Variants in SLC46A3 observed in about 807,000 individuals in gnomAD.
The protein encoded by SLC46A3 is lysosomal proton-coupled steroid conjugate and bile acid symporter SLC46A3.
In SLC46A3, 26 loss-of-function variants were observed where a neutral mutation model predicts 38.5. The ratio of observed to expected loss-of-function variants is 0.68; its 90% CI spans 0.49 to 0.94. SLC46A3 has a LOEUF of 0.94. Among genes scored for constraint, SLC46A3 ranks in the 40% least tolerant of loss-of-function variants. SLC46A3 has a pLI of 0.00. For synonymous variants in SLC46A3, 185 were observed against 192.5 expected (o/e 0.96, Z 0.32); for missense variants, 510 against 544.3 (o/e 0.94, Z 0.63).
At chr13:28,711,743 C>T (rs1885350265) in intron 3 of SLC46A3, among the ~76,000 whole-genome samples, 1 of 152,176 alleles carries the variant, frequency 6.6e-6, no homozygotes, top group South Asian at 2.1e-4. Flanking sequence ...GACCACTTTA[C>T]AATTCTCAAA....
chr13:28,707,676 C>T (rs939553325), intron 4 of SLC46A3, among the ~76,000 whole-genome samples: 1 of 152,070 alleles, frequency 6.6e-6, no homozygotes, highest in Admixed American at 6.5e-5. Context: ...TTCCCAATAG[C>T]TTTATTGGGA....
rs377735203 is a variant in SLC46A3 at position 28,701,461 on chromosome 13, G to A, written c.*36C>T. On this transcript the variant is annotated 3_prime_UTR_variant, in exon 6 of 6. Transcript: ENST00000266943. ...TCAGAAGTCATGGTATATGATATGT[G>A]CATTCATAGATTTTTTTTGTTTGTT... The A allele has an allele frequency of 1.4e-5, 23 of 1,606,388 alleles. No individual in the cohort carries two copies. Among genetic ancestry groups the A allele is most frequent in the Non-Finnish European group, 2.0e-5 (23 of 1,177,486 alleles).
chr13:28,701,512 ATCTTCACTGGAT>A lies in SLC46A3; in HGVS notation c.1359_1370del (p.Glu453_Glu456del), dbSNP rs1273758015. 5 of 1,613,226 alleles carry A rather than the reference ATCTTCACTGGAT, an allele frequency of 3.1e-6. No homozygotes were observed. The African/African-American group carries it at 6.7e-5, about 22-fold the overall frequency. On this transcript the variant is annotated inframe_deletion, in exon 6 of 6. Coordinates refer to ENST00000266943, the MANE Select transcript of SLC46A3 (RefSeq NM_181785.4). ...TAAATCACAGTCACCTGTCTGAAGC[ATCTTCACTGGAT>A]TCTTCTTGTATAAGAAGTTCATAGC...
rs1885013690 is a variant in SLC46A3, at chr13:28,701,395, G to T, written c.*102C>A. ...TTAGAAGAAAAGATAGGTAAAATTG[G>T]TTCTCAGTGAAGCACTGATTGTGGA... is the stretch of plus-strand genomic sequence containing the variant. On this transcript the variant is annotated 3_prime_UTR_variant, in exon 6 of 6. Coordinates refer to ENST00000266943, the MANE Select transcript of SLC46A3 (RefSeq NM_181785.4). 1 of 1,507,630 alleles carries T rather than the reference G, an allele frequency of 6.6e-7. No homozygotes were observed. The allele number at this position is 1,507,630 out of a possible 1,614,324, so 93.4% of individuals were successfully genotyped here. A position where few individuals can be genotyped will look rare whatever the true frequency, so the allele number is the denominator to read the frequency against.
Position 28,713,365 on chromosome 13 carries a change from G to C in SLC46A3, c.375C>G (p.Ala125=), listed in dbSNP as rs200157554. 1 of 1,614,026 alleles carries C rather than the reference G, an allele frequency of 6.2e-7. No individual in the cohort carries two copies. Among genetic ancestry groups the C allele is most frequent in the Admixed American group, 1.7e-5 (1 of 60,020 alleles). Residue 125 remains alanine, a synonymous_variant, in exon 3 of 6, where the codon GCC becomes GCG. Coordinates refer to ENST00000266943, the MANE Select transcript of SLC46A3 (RefSeq NM_181785.4). The stretch of plus-strand genomic sequence containing the variant: ...ATGCAATCAAAAGCTGGAATGGAAA[G>C]GCAAAATAGCAAAGCAAACAGAGCC... The part of the protein sequence containing the change: ...SVWLCLLCYF[A]FPFQLLIAST...
intron 1 of SLC46A3, among the ~76,000 whole-genome samples, 175 bp downstream of exon 1, chr13:28,718,321 C>T (rs1483113452): frequency 6.6e-6 from 1 of 152,234 alleles, no homozygotes; most frequent in Non-Finnish European, 1.5e-5. Context: ...GATCACAGTA[C>T]AGTTCCCACA....
At chr13:28,710,649 T>A in intron 4 of SLC46A3, 111 bp downstream of exon 4, 1 of 824,146 alleles carries the variant, frequency 1.2e-6, no homozygotes, top group Non-Finnish European at 2.0e-6. Flanking sequence ...CAAAAGGAGA[T>A]CCGTGCATAA....
At chr13:28,711,529 T>C (rs1420835148) in intron 3 of SLC46A3, among the ~76,000 whole-genome samples, 1 of 152,222 alleles carries the variant, frequency 6.6e-6, no homozygotes, top group Non-Finnish European at 1.5e-5. Context: ...TTGTTTGTGC[T>C]TTTTTCAGAC....
In SLC46A3 at chr13:28,717,484, A is replaced by AATTTTTTTTTTTTTTTTTTTTTTTTTTT. The variant is rs1322198755; in HGVS notation, c.189+325_189+326insAAAAAAAAAAAAAAAAAAAAAAAAAAAT. Among the ~76,000 whole-genome samples, 395 of 93,984 alleles carry AATTTTTTTTTTTTTTTTTTTTTTTTTTT rather than the reference A, an allele frequency of 4.2e-3. 85 individuals carry two copies. Among genetic ancestry groups the AATTTTTTTTTTTTTTTTTTTTTTTTTTT allele is most frequent in the Non-Finnish European group, 5.3e-3 (252 of 47,384 alleles). 61.7% of individuals were successfully genotyped at this position (93,984 alleles called of 152,430 possible). ...CAGCCTGCCCTGCCCCAATTTTCAG[A>AATTTTTTTTTTTTTTTTTTTTTTTTTTT]CTTTTTTTTTTTTTTTTTTTTTTTT... On this transcript the variant is annotated intron_variant, in intron 2 of 5. Transcript: ENST00000266943.
Position 28,712,905 on chromosome 13 carries a change from G to A in SLC46A3, c.835C>T (p.Pro279Ser). The A allele has an allele frequency of 6.2e-7, 1 of 1,610,062 alleles. No homozygotes were observed. Among genetic ancestry groups the A allele is most frequent in the Non-Finnish European group, 8.5e-7 (1 of 1,179,056 alleles). ...TYFFVVIGIAPIFILYELDSP... is the reference protein window; with the variant it reads ...TYFFVVIGIASIFILYELDSP... ...TCCAATTCATAAAGGATAAAAATTGGGGCAATGCCAATTACCACAAAAAAA... is the reference window on the plus strand; with the variant it reads ...TCCAATTCATAAAGGATAAAAATTGAGGCAATGCCAATTACCACAAAAAAA... Residue 279 changes from proline (P) to serine (S), a missense_variant, in exon 3 of 6, where the codon CCA becomes TCA. Physicochemically the swap from Pro to Ser is moderately conservative, Grantham distance 74. Coordinates refer to ENST00000266943, the MANE Select transcript of SLC46A3 (RefSeq NM_181785.4).
Position 28,713,235 on chromosome 13 carries a change from T to C in SLC46A3, c.505A>G (p.Ile169Val), listed in dbSNP as rs1885420944. ...CCAAGTAGAAAGTCAATGATAGCTA[T>C]TCGAATTGTTTTTTGTTTGTGTTCT... ...CKEHKQKTIR[I>V]AIIDFLLGLV... Residue 169 changes from isoleucine (I) to valine (V), a missense_variant, in exon 3 of 6, where the codon ATA becomes GTA. Physicochemically the swap from Ile to Val is conservative, Grantham distance 29 (BLOSUM62 3). Transcript: ENST00000266943. 1.2e-6 allele frequency: 2 copies of C among 1,614,042 alleles called. No homozygotes were observed. Among genetic ancestry groups the C allele is most frequent in the Non-Finnish European group, 1.7e-6 (2 of 1,180,008 alleles).
intron 2 of SLC46A3, among the ~76,000 whole-genome samples, chr13:28,716,766 C>T (rs921458655): frequency 4.6e-5 from 7 of 152,172 alleles, no homozygotes; most frequent in Non-Finnish European, 7.4e-5. Context: ...CCTGACACCT[C>T]GGGAAGTGCT....
At chr13:28,706,643 C>G (rs1324911007) in intron 4 of SLC46A3, among the ~76,000 whole-genome samples, 1 of 152,130 alleles carries the variant, frequency 6.6e-6, no homozygotes, top group Non-Finnish European at 1.5e-5. Context: ...AACTCCTGGT[C>G]TCAAGTGATC....
rs140069750 is a variant in SLC46A3, at chr13:28,714,736, G to C, written c.190-1186C>G. Among the ~76,000 whole-genome samples the C allele has an allele frequency of 8.1e-3, 1,230 of 152,300 alleles. 15 individuals carry two copies. Among genetic ancestry groups the C allele is most frequent in the African/African-American group, 0.028 (1,177 of 41,558 alleles). ...TGCACTCCAGCCTGGGTGACACAGT[G>C]AGACTCCATCTCAAATAAATAAAAA... On this transcript the variant is annotated intron_variant, in intron 2 of 5. Coordinates refer to ENST00000266943, the MANE Select transcript of SLC46A3 (RefSeq NM_181785.4).
At position 28,701,372 on chromosome 13, in the gene SLC46A3, A is replaced by C; in HGVS notation, c.*125T>G. On this transcript the variant is annotated 3_prime_UTR_variant, in exon 6 of 6. Transcript: ENST00000266943. ...AGCTGTCTCTCTGACTGTTCAGTTT[A>C]GAAGAAAAGATAGGTAAAATTGGTT... 1 of 1,472,498 alleles carries C rather than the reference A, an allele frequency of 6.8e-7. No individual in the cohort carries two copies. The highest frequency in any genetic ancestry group is 9.0e-7 in the Non-Finnish European group (1 of 1,113,934). The allele number at this position is 1,472,498 out of a possible 1,614,324, so 91.2% of individuals were successfully genotyped here.
Position 28,712,800 on chromosome 13 carries a change from C to T in SLC46A3, c.940G>A (p.Gly314Arg), listed in dbSNP as rs1593189730. ...ATACAATAAGAAAAAAGCCATATTC[C>T]TAGGAAACTAGTCAAAAAAGAGGCA... ...GSASFLTSFLGIWLFSYCMED... is the reference protein window; with the variant it reads ...GSASFLTSFLRIWLFSYCMED... The change falls in exon 3 of 6, where the codon GGA (glycine) becomes AGA (arginine). Residue 314 changes from glycine (G) to arginine (R), a missense_variant. Physicochemically the swap from Gly to Arg is moderately radical, Grantham distance 125. Transcript: ENST00000266943. 1 of 1,613,542 alleles carries T rather than the reference C, an allele frequency of 6.2e-7. No individual in the cohort carries two copies. Among genetic ancestry groups the T allele is most frequent in the East Asian group, 2.2e-5 (1 of 44,852 alleles).
chr13:28,703,202 G>A (rs1055147132), intron 5 of SLC46A3, among the ~76,000 whole-genome samples: 10 of 152,084 alleles, frequency 6.6e-5, no homozygotes, highest in East Asian at 1.9e-4. Flanking sequence ...AAACATTAAC[G>A]TTTAAACAAG....
chr13:28,710,556 G>T (rs1363276670), intron 4 of SLC46A3, among the ~76,000 whole-genome samples: 1 of 152,210 alleles, frequency 6.6e-6, no homozygotes, highest in Non-Finnish European at 1.5e-5. Flanking sequence ...AGAGCCGAGG[G>T]AGCTCTCTAA....
At chr13:28,710,083 G>A (rs1389150186) in intron 4 of SLC46A3, among the ~76,000 whole-genome samples, 5 of 152,082 alleles carry the variant, frequency 3.3e-5, no homozygotes, top group Admixed American at 2.6e-4. Flanking sequence ...AATGATCTAG[G>A]AGACCCGCAC....
Sources: gnomAD v4.1 joint callset for allele counts (sites outside exome capture counted in the v4.1 genomes callset) on GRCh38, gnomAD v4.1.1 for gene constraint, MANE v1.5 for transcripts, NCBI Gene and HGNC (gene_info 2026-07-23, HGNC 2026-07-21) for gene names.